The following PSME3IP1 variants were observed in gnomAD, a reference collection of about 807,000 sequenced individuals.
PSME3IP1 encodes the protein PSME3-interacting protein.
A neutral mutation model predicts 34.1 loss-of-function variants in PSME3IP1; 13 were observed. That is an observed-to-expected ratio of 0.38 (90% CI 0.25 to 0.61). The LOEUF (loss-of-function observed/expected upper bound fraction) is 0.61, where lower values mean the gene tolerates loss of function less well. PSME3IP1 is among the 20% of genes least tolerant of loss of function. The pLI is 0.60. For missense variants in PSME3IP1, 237 were observed against 301.4 expected (o/e 0.79, Z 1.58); for synonymous variants, 93 against 114.3 (o/e 0.81, Z 1.19).
Position 57,167,112 on chromosome 16 carries a change from C to G in PSME3IP1, c.463G>C (p.Gly155Arg). 1 of 1,613,862 alleles carries G rather than the reference C, an allele frequency of 6.2e-7. No homozygotes were observed. Among genetic ancestry groups the G allele is most frequent in the Non-Finnish European group, 8.5e-7 (1 of 1,180,038 alleles). The change falls in exon 5 of 7, where the codon GGA becomes CGA. Residue 155 changes from glycine (G) to arginine (R), a missense_variant. By Grantham distance (125) the Gly-to-Arg change is moderately radical. Transcript: ENST00000309137. ...NKFSQAKLLA[G>R]AVKHKSSESG... Reference sequence around the variant, plus strand: ...ACTAACCTCTTATGCTTCACAGCTCCTGCCAACAGCTTCGCCTGGGAGAAC... The same window carrying G: ...ACTAACCTCTTATGCTTCACAGCTCGTGCCAACAGCTTCGCCTGGGAGAAC...
At chr16:57,182,234 A>G (rs1272590370) in intron 1 of PSME3IP1, among the ~76,000 whole-genome samples, 1 of 152,144 alleles carries the variant, frequency 6.6e-6, no homozygotes, top group African/African-American at 2.4e-5. Flanking sequence ...GTATTTTACA[A>G]TATCACACTG....
chr16:57,181,726 C>A (rs1319674285), intron 1 of PSME3IP1: 3 of 152,158 alleles, frequency 2.0e-5, no homozygotes, highest in East Asian at 3.9e-4. Flanking sequence ...TTTGCTAGAC[C>A]AATTCACAGA....
chr16:57,163,092 G>A (rs2071455504), intron 6 of PSME3IP1, among the ~76,000 whole-genome samples: 1 of 152,166 alleles, frequency 6.6e-6, no homozygotes, highest in African/African-American at 2.4e-5. Flanking sequence ...TTGAGCCCAG[G>A]AGGCGGAGGT....
intron 4 of PSME3IP1, among the ~76,000 whole-genome samples, chr16:57,171,859 G>GAC (rs1597702212): frequency 6.6e-6 from 1 of 152,188 alleles, no homozygotes; most frequent in African/African-American, 2.4e-5. Flanking sequence ...CTTCTATCAG[G>GAC]ACAGGGCATG....
In PSME3IP1 at chr16:57,153,680, A is replaced by G. The variant is rs1218395709; in HGVS notation, c.*610T>C. 1 of 152,358 alleles carries G rather than the reference A, an allele frequency of 6.6e-6. No homozygotes were observed. The highest frequency in any genetic ancestry group is 1.5e-5 in the Non-Finnish European group (1 of 68,150). 9.4% of individuals were successfully genotyped at this position (152,358 alleles called of 1,614,324 possible). On this transcript the variant is annotated 3_prime_UTR_variant, in exon 7 of 7. Coordinates refer to ENST00000309137, the MANE Select transcript of PSME3IP1 (RefSeq NM_024946.4). ...AGAGAGAGGAGAGAGGGAATGGCCAAGGGTATGGAAAGCTTTCACAATGCA... is the reference window on the plus strand; with the variant it reads ...AGAGAGAGGAGAGAGGGAATGGCCAGGGGTATGGAAAGCTTTCACAATGCA...
At chr16:57,172,437 C>T in intron 3 of PSME3IP1, 65 bp from the exon 4 acceptor site, 1 of 1,547,156 alleles carries the variant, frequency 6.5e-7, no homozygotes, top group African/African-American at 1.4e-5. Context: ...TTTTCCTTTC[C>T]CCTTTTTAAA....
chr16:57,176,661 TTCCTCCTAATTTGTTG>T (rs2073201314), intron 1 of PSME3IP1, among the ~76,000 whole-genome samples: 1 of 152,244 alleles, frequency 6.6e-6, no homozygotes, highest in African/African-American at 2.4e-5. Context: ...AATTCCCATG[TTCCTCCTAATTTGTTG>T]CTTTTCTGAG....
At chr16:57,181,333 C>A (rs1254984577) in intron 1 of PSME3IP1, among the ~76,000 whole-genome samples, 2 of 151,938 alleles carry the variant, frequency 1.3e-5, no homozygotes, top group Non-Finnish European at 2.9e-5. Context: ...GGAAGAAAAA[C>A]AGCAGTTTTT....
intron 1 of PSME3IP1, among the ~76,000 whole-genome samples, chr16:57,185,057 G>A: frequency 6.6e-6 from 1 of 152,222 alleles, no homozygotes; most frequent in East Asian, 1.9e-4. Context: ...ACAGGTGGTA[G>A]GCAAGAGGTC....
chr16:57,178,481 A>G (rs2073402947), intron 1 of PSME3IP1: 1 of 849,106 alleles, frequency 1.2e-6, no homozygotes, highest in African/African-American at 1.8e-5. Flanking sequence ...TCTGGCATAT[A>G]TTAGGTATTC....
intron 6 of PSME3IP1, among the ~76,000 whole-genome samples, chr16:57,161,837 A>G (rs1432798295): frequency 6.6e-6 from 1 of 152,054 alleles, no homozygotes; most frequent in African/African-American, 2.4e-5. Context: ...AAAAGAAAAA[A>G]CTTTTTTGAG....
intron 6 of PSME3IP1, among the ~76,000 whole-genome samples, chr16:57,155,553 A>T (rs531526997): frequency 2.6e-5 from 4 of 152,044 alleles, no homozygotes; most frequent in Non-Finnish European, 5.9e-5. Context: ...GGATCACTTG[A>T]GGTCAGGAGG....
At chr16:57,156,547 A>G (rs1367615991) in intron 6 of PSME3IP1, among the ~76,000 whole-genome samples, 1 of 152,240 alleles carries the variant, frequency 6.6e-6, no homozygotes, top group African/African-American at 2.4e-5. Context: ...GGAAGTTGCC[A>G]AAGATAAGCA....
At position 57,172,259 on chromosome 16, in the gene PSME3IP1, C is replaced by T; in HGVS notation, c.340G>A (p.Glu114Lys). The change falls in exon 4 of 7, where the codon GAA (glutamate) becomes AAA (lysine). Residue 114 changes from glutamate (E) to lysine (K), a missense_variant. Physicochemically the swap from Glu to Lys is moderately conservative, Grantham distance 56. Coordinates refer to ENST00000309137, the MANE Select transcript of PSME3IP1 (RefSeq NM_024946.4). ...CCAAGTACAAAGGATATTCTGTATT[C>T]CTTCAGTTCTTTCAGTTCTTCTTCT... ...RREEELKELK[E>K]YRNNLKKVGI... The T allele has an allele frequency of 6.2e-7, 1 of 1,612,892 alleles. No individual in the cohort carries two copies. The highest frequency in any genetic ancestry group is 8.5e-7 in the Non-Finnish European group (1 of 1,179,956).
At chr16:57,177,943 C>G (rs1403593443) in intron 1 of PSME3IP1, among the ~76,000 whole-genome samples, 4 of 152,172 alleles carry the variant, frequency 2.6e-5, no homozygotes, top group East Asian at 1.9e-4. Flanking sequence ...GACCCATGAT[C>G]GCACCACTGC....
intron 6 of PSME3IP1, among the ~76,000 whole-genome samples, chr16:57,158,238 G>A (rs1022965311): frequency 4.6e-5 from 7 of 152,284 alleles, no homozygotes; most frequent in African/African-American, 1.4e-4. Context: ...TAGTACTTAT[G>A]TATACCAGAT....
chr16:57,185,697 G>C, intron 1 of PSME3IP1, 124 bp downstream of exon 1: 1 of 985,532 alleles, frequency 1.0e-6, no homozygotes, highest in Non-Finnish European at 1.2e-6. Flanking sequence ...CTCCGGACAA[G>C]GAGCGGGTGC....
At chr16:57,174,110 A>G (rs1263647357) in intron 1 of PSME3IP1, 9 of 369,428 alleles carry the variant, frequency 2.4e-5, no homozygotes, top group Non-Finnish European at 4.0e-5. Context: ...CCTGACTGAC[A>G]TGGTGAAACC....
chr16:57,157,988 C>A (rs1380587107), intron 6 of PSME3IP1, among the ~76,000 whole-genome samples: 5 of 152,234 alleles, frequency 3.3e-5, no homozygotes, highest in Middle Eastern at 3.4e-3. Context: ...ACGGTAAGCC[C>A]CTTGAAGGCA....
Sources: gnomAD v4.1 joint callset for allele counts (sites outside exome capture counted in the v4.1 genomes callset) on GRCh38, gnomAD v4.1.1 for gene constraint, MANE v1.5 for transcripts, NCBI Gene and HGNC (gene_info 2026-07-23, HGNC 2026-07-21) for gene names.